LRRIQ3: variants seen among roughly 807,000 people sequenced by gnomAD.
The protein encoded by LRRIQ3 is leucine rich repeats and IQ motif containing 3, also known as leucine-rich repeat and IQ domain-containing protein 3.
A neutral mutation model predicts 59.3 loss-of-function variants in LRRIQ3; 75 were observed. The ratio of observed to expected loss-of-function variants is 1.26; its 90% CI spans 1.05 to 1.53. The LOEUF is 1.53. LRRIQ3 is among the 40% of genes most tolerant of loss of function. The pLI is 0.00. For missense variants in LRRIQ3, 831 were observed against 710.0 expected, an observed-to-expected ratio of 1.17 and a Z score of -1.94; for synonymous variants, 250 against 231.3, an observed-to-expected ratio of 1.08 and a Z score of -0.73.
intron 5 of LRRIQ3, among the ~76,000 whole-genome samples, chr1:74,084,534 GATAA>G (rs1253836442): frequency 1.3e-5 from 2 of 151,624 alleles, no homozygotes; most frequent in Non-Finnish European, 3.0e-5. Flanking sequence ...ATGCATTTCT[GATAA>G]ATATTTAGCA....
intron 5 of LRRIQ3, among the ~76,000 whole-genome samples, chr1:74,105,953 T>C (rs1372778928): frequency 6.6e-6 from 1 of 151,928 alleles, no homozygotes; most frequent in Non-Finnish European, 1.5e-5. Context: ...AGCCATAGAG[T>C]ACAAGATGTG....
intron 5 of LRRIQ3, among the ~76,000 whole-genome samples, chr1:74,093,127 A>C (rs1646412295): frequency 7.3e-6 from 1 of 136,726 alleles, no homozygotes; most frequent in South Asian, 2.2e-4. Flanking sequence ...ATGTATTACC[A>C]AAAAAAAAAA....
intron 4 of LRRIQ3, among the ~76,000 whole-genome samples, chr1:74,112,686 C>T (rs1247166490): frequency 6.6e-6 from 1 of 152,092 alleles, no homozygotes; most frequent in African/African-American, 2.4e-5. Context: ...CACTGTCCTA[C>T]CAAGAGCAAC....
chr1:74,080,785 G>A (rs1157397451), intron 5 of LRRIQ3, among the ~76,000 whole-genome samples: 12 of 151,574 alleles, frequency 7.9e-5, no homozygotes, highest in Admixed American at 5.3e-4. Flanking sequence ...TGGCAGCACA[G>A]CCTCTCATTA....
At chr1:74,122,542 A>C (rs1646875226) in intron 4 of LRRIQ3, among the ~76,000 whole-genome samples, 1 of 152,204 alleles carries the variant, frequency 6.6e-6, no homozygotes, top group Non-Finnish European at 1.5e-5. Context: ...ACAATCATCT[A>C]ATCTTTGACA....
At chr1:74,142,726 C>T (rs571837981) in intron 4 of LRRIQ3, among the ~76,000 whole-genome samples, 10 of 152,038 alleles carry the variant, frequency 6.6e-5, no homozygotes, top group South Asian at 2.1e-4. Context: ...CAGACAGAGG[C>T]GATCATGCTG....
intron 6 of LRRIQ3, among the ~76,000 whole-genome samples, chr1:74,044,151 G>GATCT (rs778381008): frequency 1.3e-5 from 2 of 152,008 alleles, no homozygotes; most frequent in Non-Finnish European, 2.9e-5. Flanking sequence ...TATGAGTAAG[G>GATCT]ATCTACTCCT....
intron 5 of LRRIQ3, among the ~76,000 whole-genome samples, chr1:74,075,455 T>C (rs887739156): frequency 6.6e-6 from 1 of 151,548 alleles, no homozygotes; most frequent in African/African-American, 2.4e-5. Flanking sequence ...TAATCCCAGC[T>C]ACTCAGGAGG....
chr1:74,092,659 G>C (rs1646407535), intron 5 of LRRIQ3, among the ~76,000 whole-genome samples: 1 of 151,916 alleles, frequency 6.6e-6, no homozygotes, highest in Non-Finnish European at 1.5e-5. Flanking sequence ...AAAAATCTGG[G>C]TTATATCTAG....
At chr1:74,029,359 A>T (rs1040610355) in intron 7 of LRRIQ3, among the ~76,000 whole-genome samples, 1 of 152,080 alleles carries the variant, frequency 6.6e-6, no homozygotes, top group Admixed American at 6.6e-5. Context: ...GTTTGTCATA[A>T]ATAGCTCTTC....
At chr1:74,147,494 G>C (rs768752123) in intron 4 of LRRIQ3, among the ~76,000 whole-genome samples, 1 of 152,122 alleles carries the variant, frequency 6.6e-6, no homozygotes, top group Non-Finnish European at 1.5e-5. Flanking sequence ...AATCATAGTA[G>C]AGAATAATGA....
chr1:74,032,277 T>C (rs543435046), intron 7 of LRRIQ3, among the ~76,000 whole-genome samples: 1 of 152,202 alleles, frequency 6.6e-6, no homozygotes, highest in African/African-American at 2.4e-5. Flanking sequence ...AGAACAAAGT[T>C]GGAATCTATT....
intron 7 of LRRIQ3, among the ~76,000 whole-genome samples, chr1:74,034,950 C>T (rs2100368997): frequency 6.6e-6 from 1 of 152,034 alleles, no homozygotes; most frequent in Non-Finnish European, 1.5e-5. Flanking sequence ...TTTGAAATAG[C>T]ACTAGGATAA....
At chr1:74,087,536 T>A (rs981242418) in intron 5 of LRRIQ3, among the ~76,000 whole-genome samples, 2 of 151,578 alleles carry the variant, frequency 1.3e-5, no homozygotes, top group Admixed American at 1.3e-4. Flanking sequence ...TAAAAAAAAA[T>A]CTACCCTCTT....
chr1:74,032,135 G>A (rs1229548538), intron 7 of LRRIQ3, among the ~76,000 whole-genome samples: 1 of 151,588 alleles, frequency 6.6e-6, no homozygotes, highest in African/African-American at 2.4e-5. Flanking sequence ...ATTTACATTT[G>A]TTTTAAATAT....
rs144981105 is a variant in LRRIQ3, at chr1:74,059,807, A to G, written c.997+14854T>C. Among the ~76,000 whole-genome samples the G allele has an allele frequency of 3.8e-3, 576 of 152,124 alleles. 5 individuals carry two copies. The highest frequency in any genetic ancestry group is 0.013 in the African/African-American group (547 of 41,494). On this transcript the variant is annotated intron_variant, in intron 6 of 7. Transcript: ENST00000354431. Reference sequence around the variant, plus strand: ...TCAGTAGTAATATCATCTTAATTTTAAGTCACCCATTTTAAGAAAATGAGT... The same window carrying G: ...TCAGTAGTAATATCATCTTAATTTTGAGTCACCCATTTTAAGAAAATGAGT...
intron 4 of LRRIQ3, among the ~76,000 whole-genome samples, chr1:74,120,465 A>G (rs1646838830): frequency 6.6e-6 from 1 of 152,112 alleles, no homozygotes; most frequent in South Asian, 2.1e-4. Flanking sequence ...GGGGAAATAT[A>G]AAATTTTCCA....
intron 1 of LRRIQ3, among the ~76,000 whole-genome samples, chr1:74,192,273 T>C (rs147892183): frequency 6.2e-4 from 95 of 152,230 alleles, no homozygotes; most frequent in Non-Finnish European, 1.1e-3. Context: ...AGGGAGTACA[T>C]GTGCAGGTTT....
In LRRIQ3 at chr1:74,171,401, A is replaced by G. The variant is rs549320143; in HGVS notation, c.573+11137T>C. On this transcript the variant is annotated intron_variant, in intron 3 of 7. Transcript: ENST00000354431. ...AATGTTTTTCTGCATCTATGGAGAT[A>G]ATTGTGTGATTTTTATTATTCATTC... Among the ~76,000 whole-genome samples, 12 of 152,232 alleles carry G rather than the reference A, an allele frequency of 7.9e-5. No homozygotes were observed. The East Asian group carries it at 2.3e-3, about 29-fold the overall frequency.
Sources: allele counts gnomAD v4.1 joint callset (sites outside exome capture counted in the v4.1 genomes callset), GRCh38; gene constraint gnomAD v4.1.1; transcripts MANE v1.5; gene names NCBI Gene and HGNC (gene_info 2026-07-23, HGNC 2026-07-21).